The following KIF6 variants were observed in gnomAD, a reference collection of about 807,000 sequenced individuals.
KIF6 encodes the protein kinesin family member 6.
KIF6 carries 106 observed loss-of-function variants against 112.7 expected under a neutral mutation model. That is an observed-to-expected ratio of 0.94 (90% confidence interval 0.80 to 1.11). The LOEUF (loss-of-function observed/expected upper bound fraction) is 1.11. Ranked by LOEUF, KIF6 falls within the 50% of genes least tolerant of loss-of-function variation. KIF6 has a pLI of 0.00. For missense variants in KIF6, 929 were observed against 964.0 expected (o/e 0.96, Z 0.48); for synonymous variants, 339 against 339.9 (o/e 1.00, Z 0.03).
intron 10 of KIF6, among the ~76,000 whole-genome samples, chr6:39,561,558 A>C: frequency 6.6e-6 from 1 of 151,836 alleles, no homozygotes; most frequent in East Asian, 1.9e-4. Context: ...GGGTTTCATC[A>C]TGTTGGCCAG....
At chr6:39,371,442 G>A (rs1288671663) in intron 16 of KIF6, among the ~76,000 whole-genome samples, 1 of 152,200 alleles carries the variant, frequency 6.6e-6, no homozygotes, top group Non-Finnish European at 1.5e-5. Flanking sequence ...AGGCCAAGCT[G>A]TTTCTTCATG....
chr6:39,670,324 A>T (rs1436182887), intron 3 of KIF6, among the ~76,000 whole-genome samples: 1 of 152,254 alleles, frequency 6.6e-6, no homozygotes, highest in African/African-American at 2.4e-5. Context: ...AAAGATCTGC[A>T]TATAACTTTT....
intron 2 of KIF6, among the ~76,000 whole-genome samples, chr6:39,715,364 G>T (rs369495537): frequency 2.6e-5 from 4 of 152,150 alleles, no homozygotes; most frequent in African/African-American, 7.2e-5. Flanking sequence ...CAGAGAGAAG[G>T]TTTAATCAGA....
chr6:39,630,242 T>C (rs1784288414), intron 5 of KIF6, among the ~76,000 whole-genome samples: 1 of 152,090 alleles, frequency 6.6e-6, no homozygotes, highest in Non-Finnish European at 1.5e-5. Context: ...TTGCTTTAGA[T>C]TAAATTGATC....
intron 3 of KIF6, among the ~76,000 whole-genome samples, chr6:39,674,764 C>A (rs1019547378): frequency 7.3e-5 from 11 of 149,846 alleles, no homozygotes; most frequent in African/African-American, 2.7e-4. Flanking sequence ...AGATAATATG[C>A]ACATCAAATT....
intron 3 of KIF6, among the ~76,000 whole-genome samples, chr6:39,673,436 T>C (rs1316968575): frequency 6.6e-6 from 1 of 152,194 alleles, no homozygotes; most frequent in Non-Finnish European, 1.5e-5. Context: ...CATACATATG[T>C]AAATAATTAA....
chr6:39,674,324 A>G (rs1787009585), intron 3 of KIF6, among the ~76,000 whole-genome samples: 1 of 152,192 alleles, frequency 6.6e-6, no homozygotes, highest in Non-Finnish European at 1.5e-5. Flanking sequence ...CAGGGGCCAT[A>G]AGCTATAGAT....
At chr6:39,623,414 A>T (rs147616112) in intron 5 of KIF6, among the ~76,000 whole-genome samples, 283 of 152,340 alleles carry the variant, frequency 1.9e-3, no homozygotes, top group African/African-American at 6.6e-3. Context: ...ACACTCAGAA[A>T]CAGATTAATA....
chr6:39,571,698 A>G (rs987443850), intron 10 of KIF6, among the ~76,000 whole-genome samples: 1 of 152,228 alleles, frequency 6.6e-6, no homozygotes, highest in African/African-American at 2.4e-5. Flanking sequence ...TCCTCTGCAT[A>G]TGGTATTCAT....
intron 19 of KIF6, 36 bp downstream of exon 19, chr6:39,357,241 G>C (rs1198959984): frequency 2.9e-6 from 4 of 1,402,488 alleles, no homozygotes; most frequent in Non-Finnish European, 4.0e-6. Context: ...AGCCTTTTCT[G>C]GGAACTCTAA....
chr6:39,547,587 C>A (rs368862861), intron 10 of KIF6, among the ~76,000 whole-genome samples: 1 of 152,044 alleles, frequency 6.6e-6, no homozygotes, highest in East Asian at 1.9e-4. Flanking sequence ...AAATTTGATA[C>A]CTTGGGAAAT....
At chr6:39,688,134 G>A (rs957633831) in intron 3 of KIF6, among the ~76,000 whole-genome samples, 12 of 152,184 alleles carry the variant, frequency 7.9e-5, no homozygotes, top group African/African-American at 2.9e-4. Flanking sequence ...GCCAATCCAG[G>A]GTGACCTTGC....
intron 16 of KIF6, among the ~76,000 whole-genome samples, chr6:39,383,328 A>T (rs972902796): frequency 6.6e-6 from 1 of 152,108 alleles, no homozygotes; most frequent in Non-Finnish European, 1.5e-5. Context: ...ATTCATCTTG[A>T]GTTAATTTTT....
intron 3 of KIF6, among the ~76,000 whole-genome samples, chr6:39,676,147 C>A (rs530197723): frequency 6.6e-6 from 1 of 150,420 alleles, no homozygotes; most frequent in Admixed American, 6.6e-5. Context: ...TTAGTTCCAA[C>A]TGGGATAGAT....
chr6:39,355,441 C>T (rs1287068236), intron 19 of KIF6, among the ~76,000 whole-genome samples: 1 of 140,044 alleles, frequency 7.1e-6, no homozygotes, highest in Non-Finnish European at 1.5e-5. Context: ...ACTGGCTGGC[C>T]TTTTAATTTT....
chr6:39,664,650 T>C (rs540948619), intron 3 of KIF6, among the ~76,000 whole-genome samples: 14 of 152,298 alleles, frequency 9.2e-5, no homozygotes, highest in African/African-American at 3.4e-4. Context: ...AAGACATATA[T>C]ATTTTTCTCT....
chr6:39,472,850 T>C (rs1774201765), intron 13 of KIF6, among the ~76,000 whole-genome samples: 1 of 151,816 alleles, frequency 6.6e-6, no homozygotes, highest in Non-Finnish European at 1.5e-5. Flanking sequence ...ATAACAAAAG[T>C]GTTGTACATT....
At chr6:39,491,940 G>T (rs987889477) in intron 13 of KIF6, among the ~76,000 whole-genome samples, 17 of 152,112 alleles carry the variant, frequency 1.1e-4, no homozygotes, top group African/African-American at 3.6e-4. Context: ...TAAAACGAGA[G>T]AAATGAATTA....
At chr6:39,669,766 G>A (rs1786691514) in intron 3 of KIF6, among the ~76,000 whole-genome samples, 1 of 152,236 alleles carries the variant, frequency 6.6e-6, no homozygotes, top group South Asian at 2.1e-4. Flanking sequence ...GCAGTGTGGA[G>A]TCTGCAGTAA....
Sources: gnomAD v4.1 joint callset for allele counts (sites outside exome capture counted in the v4.1 genomes callset) on GRCh38, gnomAD v4.1.1 for gene constraint, MANE v1.5 for transcripts, NCBI Gene and HGNC (gene_info 2026-07-23, HGNC 2026-07-21) for gene names.